Variants in ZSCAN25 observed in about 807,000 individuals in gnomAD.
The protein encoded by ZSCAN25 is zinc finger and SCAN domain-containing protein 25.
ZSCAN25 carries 27 observed loss-of-function variants against 38.7 expected under a neutral mutation model. The ratio of observed to expected loss-of-function variants is 0.70; its 90% CI spans 0.51 to 0.96. ZSCAN25 has a LOEUF of 0.96. ZSCAN25 is among the 40% of genes least tolerant of loss of function. ZSCAN25 has a pLI of 0.00. For missense variants in ZSCAN25, 637 were observed against 705.9 expected (o/e 0.90, Z 1.11); for synonymous variants, 273 against 277.7 (o/e 0.98, Z 0.17).
chr7:99,672,482 AT>A, the ZSCAN25 span: 1 of 1,086,162 alleles, frequency 9.2e-7, no homozygotes, highest in Non-Finnish European at 1.4e-6. Flanking sequence ...CTTCCTGTAC[AT>A]TTTTTAGGTA....
chr7:99,617,738 C>A (rs1218115885), intron 1 of ZSCAN25, among the ~76,000 whole-genome samples: 2 of 152,096 alleles, frequency 1.3e-5, no homozygotes, highest in Non-Finnish European at 2.9e-5. Context: ...GAGATCCTGT[C>A]TCAGAAACAA....
the ZSCAN25 span, among the ~76,000 whole-genome samples, chr7:99,677,697 C>A: frequency 6.6e-6 from 1 of 152,220 alleles, no homozygotes; most frequent in Non-Finnish European, 1.5e-5. Flanking sequence ...TTCCCTGCCC[C>A]AGAACAGTTA....
chr7:99,708,266 TTCAC>T, the ZSCAN25 span, among the ~76,000 whole-genome samples: 23 of 152,272 alleles, frequency 1.5e-4, no homozygotes, highest in East Asian at 4.0e-3. Context: ...TGGTGATGTG[TTCAC>T]ACTACAAAAG....
chr7:99,694,531 A>G, the ZSCAN25 span, among the ~76,000 whole-genome samples: 39 of 152,330 alleles, frequency 2.6e-4, no homozygotes, highest in African/African-American at 8.4e-4. Flanking sequence ...TGTTTTCTAC[A>G]TTTCAGGGTT....
At chr7:99,635,239 GGTACT>G (rs1808225560), downstream of ZSCAN25, among the ~76,000 whole-genome samples, 1 of 151,464 alleles carries the variant, frequency 6.6e-6, no homozygotes, top group African/African-American at 2.4e-5. Flanking sequence ...CACAGTTTCA[GGTACT>G]GTACTTTTTA....
chr7:99,710,697 C>T, the ZSCAN25 span: 14 of 1,613,558 alleles, frequency 8.7e-6, no homozygotes, highest in Non-Finnish European at 1.2e-5. Context: ...TAAGGCTTCA[C>T]CTCCTCCCTC....
the ZSCAN25 span, chr7:99,674,270 T>C: frequency 8.8e-6 from 3 of 341,508 alleles, no homozygotes; most frequent in Non-Finnish European, 1.6e-5. Context: ...AAAACAGTTA[T>C]GAGATTCTTC....
chr7:99,699,953 C>A, the ZSCAN25 span: 1 of 1,576,356 alleles, frequency 6.3e-7, no homozygotes, highest in East Asian at 2.2e-5. Flanking sequence ...GGAATCTGGA[C>A]AGTTACTGAC....
the ZSCAN25 span, among the ~76,000 whole-genome samples, chr7:99,639,686 G>A: frequency 1.8e-4 from 27 of 152,224 alleles, no homozygotes; most frequent in Admixed American, 1.8e-3. Context: ...CAATTAGAAG[G>A]CACTATGGTG....
At chr7:99,677,716 G>T in the ZSCAN25 span, among the ~76,000 whole-genome samples, 3 of 152,238 alleles carry the variant, frequency 2.0e-5, no homozygotes, top group African/African-American at 7.2e-5. Flanking sequence ...TAGTGGAAGT[G>T]CGTGCACCAC....
the ZSCAN25 span, chr7:99,658,942 T>G: frequency 6.6e-6 from 1 of 152,256 alleles, no homozygotes; most frequent in Admixed American, 6.5e-5. Flanking sequence ...TCAGGTCCTT[T>G]AAGGACTTCT....
chr7:99,686,475 C>T, the ZSCAN25 span, among the ~76,000 whole-genome samples: 2 of 152,278 alleles, frequency 1.3e-5, no homozygotes, highest in East Asian at 1.9e-4. Flanking sequence ...CCTGCCATTG[C>T]CCAGACTTGA....
chr7:99,722,049 T>G, the ZSCAN25 span, among the ~76,000 whole-genome samples: 3 of 152,226 alleles, frequency 2.0e-5, no homozygotes, highest in Non-Finnish European at 2.9e-5. Context: ...CCTCATATTT[T>G]CTGTGGAACA....
chr7:99,651,698 T>G, the ZSCAN25 span, among the ~76,000 whole-genome samples: 1 of 152,228 alleles, frequency 6.6e-6, no homozygotes, highest in South Asian at 2.1e-4. Flanking sequence ...CCTAAAAATT[T>G]CATTCTAAAT....
At chr7:99,710,742 A>G in the ZSCAN25 span, 1 of 1,613,860 alleles carries the variant, frequency 6.2e-7, no homozygotes, top group Admixed American at 1.7e-5. Flanking sequence ...CTTATTGGGT[A>G]AAACTGTATC....
At chr7:99,734,985 C>T in the ZSCAN25 span, 1 of 1,613,662 alleles carries the variant, frequency 6.2e-7, no homozygotes, top group African/African-American at 1.3e-5. Context: ...ACCCCAAGTC[C>T]AAGGAAACAG....
the ZSCAN25 span, chr7:99,638,838 G>A: frequency 3.0e-6 from 2 of 674,288 alleles, no homozygotes; most frequent in Non-Finnish European, 5.3e-6. Context: ...CGCCGCCGCT[G>A]CGAAACTGAA....
Position 99,629,948 on chromosome 7 carries a change from A to C in ZSCAN25, c.1563A>C (p.Arg521=). The stretch of plus-strand genomic sequence containing the variant: ...CCTACCACTGTCCTGCCTGCGGGCG[A>C]AGCTTCAACCAGAGGTCCATCCTCA... ...EKPYHCPACG[R]SFNQRSILNR... Residue 521 remains arginine, a synonymous_variant, in exon 8 of 8, where the codon CGA becomes CGC. Coordinates refer to ENST00000394152, the MANE Select transcript of ZSCAN25 (RefSeq NM_145115.3). The surrounding 1 kb of genome is among the most constrained non-coding windows in gnomAD (Gnocchi z 5.6). 1 of 1,613,058 alleles carries C rather than the reference A, an allele frequency of 6.2e-7. No homozygotes were observed.
the ZSCAN25 span, chr7:99,730,928 T>C: frequency 4.1e-6 from 5 of 1,232,144 alleles, no homozygotes; most frequent in East Asian, 2.6e-5. Context: ...ACGCTCTGGG[T>C]GATGCCTACA....
Sources: gnomAD v4.1 joint callset for allele counts (sites outside exome capture counted in the v4.1 genomes callset) on GRCh38, gnomAD v4.1.1 for gene constraint, Gnocchi (gnomAD v3.1) non-coding constraint, MANE v1.5 for transcripts, NCBI Gene and HGNC (gene_info 2026-07-23, HGNC 2026-07-21) for gene names.